Variants in MCTP1 observed in about 807,000 individuals in gnomAD.
MCTP1 encodes the protein multiple C2 and transmembrane domain containing 1.
MCTP1 carries 69 observed loss-of-function variants against 120.6 expected under a neutral mutation model. That is an observed-to-expected ratio of 0.57 (90% CI 0.47 to 0.70). The LOEUF (loss-of-function observed/expected upper bound fraction) is 0.70. Among genes scored for constraint, MCTP1 ranks in the 30% least tolerant of loss-of-function variants. The pLI, the probability that MCTP1 is intolerant of heterozygous loss-of-function variation, is 0.00. For missense variants in MCTP1, 1,203 were observed against 1,248.8 expected, an observed-to-expected ratio of 0.96 and a Z score of 0.55; for synonymous variants, 529 against 493.1, an observed-to-expected ratio of 1.07 and a Z score of -0.96.
At chr5:94,934,314 AT>A (rs778540392) in intron 5 of MCTP1, among the ~76,000 whole-genome samples, 1 of 151,832 alleles carries the variant, frequency 6.6e-6, no homozygotes, top group Non-Finnish European at 1.5e-5. Flanking sequence ...GAAAAATAAG[AT>A]TTATTTTTTT....
At chr5:95,118,692 T>C (rs1438622714) in intron 1 of MCTP1, among the ~76,000 whole-genome samples, 1 of 152,102 alleles carries the variant, frequency 6.6e-6, no homozygotes, top group Non-Finnish European at 1.5e-5. Flanking sequence ...GAGAAAGATA[T>C]TCCATACCAA....
chr5:94,872,453 GT>G (rs1462982202), intron 13 of MCTP1, among the ~76,000 whole-genome samples: 1 of 151,880 alleles, frequency 6.6e-6, no homozygotes. Context: ...GAATTTCGCA[GT>G]TTTTCATATA....
rs1035040412 is a variant in MCTP1, at chr5:94,972,694, T to C, written c.839-19333A>G. On this transcript the variant is annotated intron_variant, in intron 2 of 22. Coordinates refer to ENST00000515393, the MANE Select transcript of MCTP1 (RefSeq NM_024717.7). ...GTCTCTTGTTACCAGAAGCTTAGTTTGCATCCTAAATCATTCTAATTAAGA... is the reference window on the plus strand; with the variant it reads ...GTCTCTTGTTACCAGAAGCTTAGTTCGCATCCTAAATCATTCTAATTAAGA... Among the ~76,000 whole-genome samples, 6 of 152,298 alleles carry C rather than the reference T, an allele frequency of 3.9e-5. No individual in the cohort carries two copies. The South Asian group carries it at 1.2e-3, about 32-fold the overall frequency.
intron 1 of MCTP1, among the ~76,000 whole-genome samples, chr5:95,229,633 C>CAAGA (rs1166158304): frequency 2.0e-5 from 3 of 151,794 alleles, no homozygotes; most frequent in Admixed American, 2.0e-4. Context: ...CTCAGCTACT[C>CAAGA]AAGAGGCTGA....
intron 1 of MCTP1, among the ~76,000 whole-genome samples, chr5:95,069,791 C>T (rs761446347): frequency 6.6e-6 from 1 of 151,906 alleles, no homozygotes; most frequent in South Asian, 2.1e-4. Context: ...CTCTGCCTCC[C>T]GGGTTCAAGC....
chr5:95,276,523 C>T (rs906419543), intron 1 of MCTP1, among the ~76,000 whole-genome samples: 4 of 151,080 alleles, frequency 2.6e-5, no homozygotes, highest in African/African-American at 7.3e-5. Flanking sequence ...TCCCAAAGTG[C>T]TGGGATTACA....
chr5:94,768,494 G>A (rs1712686823), intron 19 of MCTP1, among the ~76,000 whole-genome samples: 4 of 151,966 alleles, frequency 2.6e-5, no homozygotes, highest in African/African-American at 7.2e-5. Context: ...TATCCAACAA[G>A]CGACTCGTAA....
At chr5:94,847,514 G>C (rs1200441868) in intron 17 of MCTP1, among the ~76,000 whole-genome samples, 1 of 151,818 alleles carries the variant, frequency 6.6e-6, no homozygotes, top group Non-Finnish European at 1.5e-5. Flanking sequence ...CTCTGGAAAT[G>C]GGATCTCTGA....
chr5:94,993,289 T>G (rs887761768), intron 2 of MCTP1, among the ~76,000 whole-genome samples: 2 of 152,198 alleles, frequency 1.3e-5, no homozygotes, highest in Non-Finnish European at 2.9e-5. Flanking sequence ...ATTCTTCAAC[T>G]ATGAAGAAAA....
At chr5:95,061,463 T>A in intron 1 of MCTP1, among the ~76,000 whole-genome samples, 1 of 120,032 alleles carries the variant, frequency 8.3e-6, no homozygotes, top group Non-Finnish European at 1.7e-5. Flanking sequence ...TGAGACGGAG[T>A]CTCGCTCTGT....
rs535560821 is a variant in MCTP1, at chr5:94,840,352, G to A, written c.2436+27981C>T. Among the ~76,000 whole-genome samples, 11 of 152,290 alleles carry A rather than the reference G, an allele frequency of 7.2e-5. No homozygotes were observed. In the South Asian group the frequency reaches 1.5e-3, roughly 20 times the overall value. On this transcript the variant is annotated intron_variant, in intron 17 of 22. Coordinates refer to ENST00000515393, the MANE Select transcript of MCTP1 (RefSeq NM_024717.7). ...TATGCAGAGAGAGGAACAGAGAGAC[G>A]ACAAACAGCTTCTCCTTCTCTCTTT...
chr5:95,027,727 G>A (rs1384739064), intron 1 of MCTP1, among the ~76,000 whole-genome samples: 8 of 152,126 alleles, frequency 5.3e-5, no homozygotes, highest in East Asian at 3.9e-4. Flanking sequence ...CCACTGCTCC[G>A]TACTCTTGAA....
intron 1 of MCTP1, among the ~76,000 whole-genome samples, chr5:95,111,939 T>C (rs1325983404): frequency 1.3e-5 from 2 of 152,184 alleles, no homozygotes; most frequent in South Asian, 2.1e-4. Context: ...TTGATGTATG[T>C]TAATAGACCC....
chr5:95,025,385 T>C (rs1839068653), intron 1 of MCTP1, among the ~76,000 whole-genome samples: 1 of 152,154 alleles, frequency 6.6e-6, no homozygotes, highest in Non-Finnish European at 1.5e-5. Flanking sequence ...TGAAAAAAGC[T>C]CAAAATTGAA....
chr5:95,052,091 A>T (rs1420942052), intron 1 of MCTP1, among the ~76,000 whole-genome samples: 2 of 152,246 alleles, frequency 1.3e-5, no homozygotes, highest in African/African-American at 4.8e-5. Flanking sequence ...CTAAAAGCAA[A>T]GCAATTGCTT....
At chr5:94,716,403 A>G (rs1033030172) in intron 19 of MCTP1, among the ~76,000 whole-genome samples, 54 of 152,220 alleles carry the variant, frequency 3.5e-4, no homozygotes, top group Admixed American at 1.5e-3. Flanking sequence ...TAAAAAAAAA[A>G]AAAAAGTTAG....
At chr5:94,905,077 G>A (rs971982045) in intron 10 of MCTP1, among the ~76,000 whole-genome samples, 5 of 152,176 alleles carry the variant, frequency 3.3e-5, no homozygotes, top group Non-Finnish European at 7.4e-5. Flanking sequence ...CCTCCCTGAT[G>A]AGACATTGGT....
At chr5:95,092,207 T>C (rs1427565956) in intron 1 of MCTP1, among the ~76,000 whole-genome samples, 1 of 152,168 alleles carries the variant, frequency 6.6e-6, no homozygotes, top group Non-Finnish European at 1.5e-5. Flanking sequence ...TAGCTGCCTA[T>C]AATAAAATGC....
chr5:94,793,472 T>C (rs1561646648), intron 18 of MCTP1: 1 of 152,218 alleles, frequency 6.6e-6, no homozygotes, highest in Non-Finnish European at 1.5e-5. Flanking sequence ...AGAGTGATCA[T>C]CCATTTTTAG....
Sources: gnomAD v4.1 joint callset for allele counts (sites outside exome capture counted in the v4.1 genomes callset) on GRCh38, gnomAD v4.1.1 for gene constraint, MANE v1.5 for transcripts, NCBI Gene and HGNC (gene_info 2026-07-23, HGNC 2026-07-21) for gene names.